The following ANO6 variants were observed in gnomAD, a reference collection of about 807,000 sequenced individuals.
ANO6 encodes anoctamin 6.
A neutral mutation model predicts 117.5 loss-of-function variants in ANO6; 106 were observed. The observed-to-expected ratio is 0.90, with a 90% CI of 0.77 to 1.06. ANO6 has a LOEUF of 1.06. Among genes scored for constraint, ANO6 ranks in the 50% least tolerant of loss-of-function variants. ANO6 has a pLI of 0.00. For synonymous variants in ANO6, 367 were observed against 385.1 expected (o/e 0.95, Z 0.55); for missense variants, 955 against 1,121.1 (o/e 0.85, Z 2.12).
chr12:45,427,936 C>CA (rs35996135), intron 19 of ANO6, among the ~76,000 whole-genome samples: 8,902 of 61,512 alleles, frequency 0.14, 708 homozygotes, highest in East Asian at 0.49. Flanking sequence ...GACTCTGCCT[C>CA]AAAAAAAAAA....
chr12:45,300,366 A>C (rs576947073), intron 1 of ANO6, among the ~76,000 whole-genome samples: 11 of 152,118 alleles, frequency 7.2e-5, no homozygotes, highest in Non-Finnish European at 1.5e-4. Context: ...GGTTTTTGTA[A>C]AGATGTCTAA....
At chr12:45,344,318 A>G (rs1275503112) in intron 3 of ANO6, among the ~76,000 whole-genome samples, 1 of 152,230 alleles carries the variant, frequency 6.6e-6, no homozygotes, top group Admixed American at 6.5e-5. Context: ...CTTTCAACAA[A>G]TATGTGTTAG....
intron 7 of ANO6, among the ~76,000 whole-genome samples, 162 bp from the exon 8 acceptor site, chr12:45,357,128 C>T (rs888754543): frequency 6.6e-6 from 1 of 152,138 alleles, no homozygotes; most frequent in African/African-American, 2.4e-5. Context: ...TTTGTTTCAT[C>T]GTAGAATTCA....
At chr12:45,380,729 T>G (rs914354723) in intron 10 of ANO6, among the ~76,000 whole-genome samples, 3 of 152,184 alleles carry the variant, frequency 2.0e-5, no homozygotes, top group Admixed American at 2.0e-4. Flanking sequence ...ATCCCAGCAC[T>G]GTGGGAGGCT....
chr12:45,430,590 A>C lies in ANO6; in HGVS notation c.*1279A>C. Reference sequence around the variant, plus strand: ...TATTCATAATCAAGTAAAGAGACTCAGATTAGATTTGATTTTTTAGCCTCC... The same window carrying C: ...TATTCATAATCAAGTAAAGAGACTCCGATTAGATTTGATTTTTTAGCCTCC... On this transcript the variant is annotated 3_prime_UTR_variant, in exon 20 of 20. Coordinates refer to ENST00000320560, the MANE Select transcript of ANO6 (RefSeq NM_001025356.3). The C allele has an allele frequency of 1.0e-6, 1 of 985,420 alleles. No individual in the cohort carries two copies. Among genetic ancestry groups the C allele is most frequent in the Non-Finnish European group, 1.2e-6 (1 of 829,916 alleles). 61.0% of individuals were successfully genotyped at this position (985,420 alleles called of 1,614,324 possible). A position where few individuals can be genotyped will look rare whatever the true frequency, so the allele number is the denominator to read the frequency against.
intron 15 of ANO6, 31 bp downstream of exon 15, chr12:45,403,567 A>G: frequency 6.4e-7 from 1 of 1,565,502 alleles, no homozygotes; most frequent in Non-Finnish European, 8.8e-7. Flanking sequence ...CCATGGGTAA[A>G]AGGACAAGGG....
chr12:45,439,781 T>C (rs1488658849), exon 20 of ANO6: 1 of 1,550,860 alleles, frequency 6.4e-7, no homozygotes, highest in Admixed American at 2.0e-5. Flanking sequence ...GTCGATGAAA[T>C]TAGACTTTTG....
rs1943618077 is a variant in ANO6, at chr12:45,430,982, G to C, written c.*1671G>C. The C allele has an allele frequency of 1.4e-5, 14 of 985,368 alleles. No homozygotes were observed. Among genetic ancestry groups the C allele is most frequent in the Non-Finnish European group, 1.7e-5 (14 of 829,932 alleles). The allele number at this position is 985,368 out of a possible 1,614,324, so 61.0% of individuals were successfully genotyped here. ...AGCAAAGGAAAACTCAGATTTTAGA[G>C]GCTTTTTACAATAAAGTAGCGTAAC... On this transcript the variant is annotated 3_prime_UTR_variant, in exon 20 of 20. Transcript: ENST00000320560.
chr12:45,371,499 C>T lies in ANO6; in HGVS notation c.1104+3706C>T, dbSNP rs575740564. ...GAAGAGAGCAGTGGTTCTCCCAGCA[C>T]GCAGCTGGAGATCTGAGAACAGGCA... On this transcript the variant is annotated intron_variant, in intron 9 of 19. Transcript: ENST00000320560. Among the ~76,000 whole-genome samples the T allele has an allele frequency of 6.3e-3, 959 of 151,448 alleles. 14 individuals carry two copies. Among genetic ancestry groups the T allele is most frequent in the African/African-American group, 0.021 (887 of 41,288 alleles).
chr12:45,316,870 CTAAATA>C (rs965621011), intron 2 of ANO6, among the ~76,000 whole-genome samples: 1 of 148,260 alleles, frequency 6.7e-6, no homozygotes, highest in Admixed American at 6.8e-5. Context: ...ACTTCACACT[CTAAATA>C]GAAAAGTATC....
intron 1 of ANO6, among the ~76,000 whole-genome samples, chr12:45,278,902 C>T (rs1368352020): frequency 6.6e-6 from 1 of 152,166 alleles, no homozygotes; most frequent in Admixed American, 6.5e-5. Flanking sequence ...TAATTTTAGG[C>T]CGTCCCTCCA....
intron 1 of ANO6, among the ~76,000 whole-genome samples, chr12:45,237,097 T>C (rs1180154258): frequency 2.0e-5 from 3 of 152,246 alleles, no homozygotes; most frequent in Non-Finnish European, 4.4e-5. Context: ...TCTTGTAAAT[T>C]TGAATTCTTT....
chr12:45,262,959 G>GT (rs1555162331), intron 1 of ANO6, among the ~76,000 whole-genome samples: 4 of 152,140 alleles, frequency 2.6e-5, no homozygotes, highest in Non-Finnish European at 5.9e-5. Context: ...TAGTAGGCAG[G>GT]TTGAGTCCTG....
At chr12:45,407,515 C>A (rs2137650827) in intron 15 of ANO6, among the ~76,000 whole-genome samples, 1 of 125,280 alleles carries the variant, frequency 8.0e-6, no homozygotes, top group South Asian at 3.0e-4. Flanking sequence ...GACTGCAAAA[C>A]TGCAGATTCT....
At chr12:45,339,151 A>G (rs1460550361) in intron 3 of ANO6, among the ~76,000 whole-genome samples, 8 of 152,136 alleles carry the variant, frequency 5.3e-5, no homozygotes, top group Non-Finnish European at 1.2e-4. Flanking sequence ...GCACTTGTAC[A>G]TGCATATATG....
intron 1 of ANO6, chr12:45,256,553 G>A (rs1390610683): frequency 6.6e-6 from 1 of 152,014 alleles, no homozygotes. Context: ...AACTTCATAT[G>A]CAAATTTAAG....
chr12:45,429,445 A>G lies in ANO6; in HGVS notation c.*134A>G. The G allele has an allele frequency of 6.7e-7, 1 of 1,494,906 alleles. No homozygotes were observed. The highest frequency in any genetic ancestry group is 8.9e-7 in the Non-Finnish European group (1 of 1,128,330). 92.6% of individuals were successfully genotyped at this position (1,494,906 alleles called of 1,614,324 possible). A position where few individuals can be genotyped will look rare whatever the true frequency, so the allele number is the denominator to read the frequency against. On this transcript the variant is annotated 3_prime_UTR_variant, in exon 20 of 20. Transcript: ENST00000320560. ...AACTATTGCCATTTCCTCATGTATT[A>G]TTTTTCAGTTTCAGCTAGCGATGCA...
intron 1 of ANO6, chr12:45,270,454 TC>T: frequency 6.6e-7 from 1 of 1,524,130 alleles, no homozygotes; most frequent in Non-Finnish European, 8.8e-7. Context: ...TGCCTCCTCA[TC>T]CTTCAGGTGA....
chr12:45,232,110 C>T (rs1174017538), intron 1 of ANO6, among the ~76,000 whole-genome samples: 3 of 152,200 alleles, frequency 2.0e-5, no homozygotes, highest in African/African-American at 7.2e-5. Context: ...TCTTGCCTCA[C>T]AATCTTTATT....
Sources: allele counts gnomAD v4.1 joint callset (sites outside exome capture counted in the v4.1 genomes callset), GRCh38; gene constraint gnomAD v4.1.1; transcripts MANE v1.5; gene names NCBI Gene and HGNC (gene_info 2026-07-23, HGNC 2026-07-21).